The following RAPGEF2 variants were observed in gnomAD, a reference collection of about 807,000 sequenced individuals.
RAPGEF2 encodes the protein Rap guanine nucleotide exchange factor 2, also known as PDZ domain containing guanine nucleotide exchange factor (GEF) 1.
In RAPGEF2, 54 loss-of-function variants were observed where a neutral mutation model predicts 186.7. The observed-to-expected ratio is 0.29, with a 90% confidence interval of 0.23 to 0.36. The LOEUF is 0.36. Among genes scored for constraint, RAPGEF2 ranks in the 10% least tolerant of loss-of-function variants. The pLI is 1.00. For missense variants in RAPGEF2, 1,532 were observed against 2,045.0 expected (o/e 0.75, Z 4.84); for synonymous variants, 712 against 705.9 (o/e 1.01, Z -0.14).
At chr4:159,161,509 G>A (rs538393587) in intron 1 of RAPGEF2, among the ~76,000 whole-genome samples, 8 of 152,006 alleles carry the variant, frequency 5.3e-5, no homozygotes, top group Non-Finnish European at 1.2e-4. Context: ...TTTGAGACTA[G>A]CCTGAGCAAC....
At chr4:159,273,644 TTCTTTCTTTC>T (rs1484066436) in intron 7 of RAPGEF2, among the ~76,000 whole-genome samples, 19 of 132,476 alleles carry the variant, frequency 1.4e-4, no homozygotes, top group African/African-American at 5.0e-4. Context: ...CTTTCTTTCT[TTCTTTCTTTC>T]TTTCTTTCTT....
chr4:159,104,866 A>G (rs910495199), intron 1 of RAPGEF2, among the ~76,000 whole-genome samples: 2 of 152,210 alleles, frequency 1.3e-5, no homozygotes, highest in Non-Finnish European at 2.9e-5. Context: ...ACTGCTTTCA[A>G]TTGAAGGGAA....
intron 1 of RAPGEF2, among the ~76,000 whole-genome samples, chr4:159,153,183 T>A (rs1185191693): frequency 6.6e-6 from 1 of 152,196 alleles, no homozygotes; most frequent in Non-Finnish European, 1.5e-5. Flanking sequence ...TGAGTTGATT[T>A]TGATGTAGAA....
rs532129838 is a variant in RAPGEF2, at chr4:159,299,882, T to TA, written c.544-4450dup. On this transcript the variant is annotated intron_variant, in intron 7 of 29. Transcript: ENST00000691494. ...GGTAGCATCTGTTTGTCCTACATAA[T>TA]AAAAAAAAAAGCTATTATACAAATG... Among the ~76,000 whole-genome samples the TA allele has an allele frequency of 4.2e-4, 62 of 146,388 alleles. No homozygotes were observed. The East Asian group carries it at 4.5e-3, about 11-fold the overall frequency.
intron 7 of RAPGEF2, among the ~76,000 whole-genome samples, chr4:159,251,073 G>A (rs1755303803): frequency 6.6e-6 from 1 of 152,204 alleles, no homozygotes; most frequent in South Asian, 2.1e-4. Flanking sequence ...TGGGTGAGCA[G>A]CTGTGGAGGG....
intron 1 of RAPGEF2, among the ~76,000 whole-genome samples, chr4:159,118,572 G>A: frequency 6.9e-6 from 1 of 145,024 alleles, no homozygotes; most frequent in Admixed American, 6.9e-5. Flanking sequence ...CTGCATTAAT[G>A]TATATTAAAG....
chr4:159,347,275 C>T (rs569210816), intron 25 of RAPGEF2, among the ~76,000 whole-genome samples: 16 of 152,262 alleles, frequency 1.1e-4, no homozygotes, highest in East Asian at 1.9e-4. Context: ...TTTTGCTAAG[C>T]GCAGAAGATG....
At chr4:159,312,080 C>G (rs10032500) in intron 8 of RAPGEF2, among the ~76,000 whole-genome samples, 3 of 151,842 alleles carry the variant, frequency 2.0e-5, no homozygotes, top group African/African-American at 7.3e-5. Flanking sequence ...TCTGCTTAAG[C>G]CTTAAATATA....
At chr4:159,189,668 CAT>C (rs1747914096) in intron 2 of RAPGEF2, among the ~76,000 whole-genome samples, 1 of 152,170 alleles carries the variant, frequency 6.6e-6, no homozygotes, top group South Asian at 2.1e-4. Context: ...TTATTATTCT[CAT>C]AGGAACTCAG....
intron 9 of RAPGEF2, 79 bp from the exon 10 acceptor site, chr4:159,322,268 G>A: frequency 2.2e-6 from 3 of 1,338,602 alleles, no homozygotes; most frequent in Non-Finnish European, 2.1e-6. Context: ...TAAAAAGAAA[G>A]GACCCTAAAA....
intron 1 of RAPGEF2, among the ~76,000 whole-genome samples, chr4:159,142,287 C>T (rs1742436526): frequency 6.6e-6 from 1 of 152,120 alleles, no homozygotes; most frequent in African/African-American, 2.4e-5. Context: ...AAATGAGGAA[C>T]ATTTTTCTTG....
At chr4:159,243,656 A>G (rs1351610911) in intron 6 of RAPGEF2, 118 bp from the exon 7 acceptor site, 3 of 645,642 alleles carry the variant, frequency 4.6e-6, no homozygotes, top group Admixed American at 2.4e-5. Flanking sequence ...ATTCTATATG[A>G]TCATTCTTAA....
chr4:159,254,122 GTAAT>G (rs1398396601), intron 7 of RAPGEF2, among the ~76,000 whole-genome samples: 3 of 152,160 alleles, frequency 2.0e-5, no homozygotes, highest in South Asian at 2.1e-4. Context: ...GAGATATAAT[GTAAT>G]TAATTATTAC....
At chr4:159,110,866 A>G (rs971723638) in intron 1 of RAPGEF2, among the ~76,000 whole-genome samples, 3 of 151,308 alleles carry the variant, frequency 2.0e-5, no homozygotes, top group South Asian at 4.2e-4. Context: ...TCTGTAGTAC[A>G]TATAATTGAT....
At chr4:159,170,852 CTTTAT>C (rs147860684) in intron 1 of RAPGEF2, among the ~76,000 whole-genome samples, 47,172 of 151,626 alleles carry the variant, frequency 0.31, 7,638 homozygotes, top group Non-Finnish European at 0.37. Context: ...ACGTTTAAGT[CTTTAT>C]TTTGAGTTTA....
At position 159,352,764 on chromosome 4, in the gene RAPGEF2, T is replaced by G; in HGVS notation, c.3945T>G (p.Ile1315Met). 6.2e-7 allele frequency: 1 copy of G among 1,614,240 alleles called. No individual in the cohort carries two copies. The highest frequency in any genetic ancestry group is 8.5e-7 in the Non-Finnish European group (1 of 1,180,032). Residue 1315 changes from isoleucine (I) to methionine (M), a missense_variant, in exon 27 of 30, where the codon ATT becomes ATG. Around this residue, in one of 4 missense-constraint regions of RAPGEF2, gnomAD observed 594 missense variants for 608.5 expected, o/e 0.98. Transcript: ENST00000691494. ...GHSEISSRSS[I>M]VSNSSFDSVP... ...GTGAAATTTCTTCACGATCCAGTAT[T>G]GTTAGCAATTCGTCTTTTGACTCAG...
intron 3 of RAPGEF2, among the ~76,000 whole-genome samples, chr4:159,208,705 A>G (rs147707690): frequency 1.3e-3 from 199 of 152,308 alleles, no homozygotes; most frequent in African/African-American, 4.3e-3. Flanking sequence ...AGCTGAGTTT[A>G]TGTCCTAACT....
At chr4:159,120,659 A>G (rs986916850) in intron 1 of RAPGEF2, among the ~76,000 whole-genome samples, 1 of 152,160 alleles carries the variant, frequency 6.6e-6, no homozygotes, top group African/African-American at 2.4e-5. Flanking sequence ...TCTAGCATTT[A>G]TCATCTTTAA....
chr4:159,336,736 CA>C (rs1011357401), intron 17 of RAPGEF2, among the ~76,000 whole-genome samples: 1,639 of 142,714 alleles, frequency 0.011, 36 homozygotes, highest in African/African-American at 0.04. Flanking sequence ...TTTCCATTTT[CA>C]AAAAAAAAAG....
Sources: gnomAD v4.1 joint callset for allele counts (sites outside exome capture counted in the v4.1 genomes callset) on GRCh38, gnomAD v4.1.1 for gene constraint, gnomAD v4.1.1 regional missense constraint, MANE v1.5 for transcripts, NCBI Gene and HGNC (gene_info 2026-07-23, HGNC 2026-07-21) for gene names.